Variants in INSYN2A observed in about 807,000 individuals in gnomAD.
The protein encoded by INSYN2A is inhibitory synaptic factor 2A.
INSYN2A carries 17 observed loss-of-function variants against 39.4 expected under a neutral mutation model. That is an observed-to-expected ratio of 0.43 (90% CI 0.30 to 0.65). The LOEUF is 0.65. Ranked by LOEUF, INSYN2A falls within the 30% of genes least tolerant of loss-of-function variation. The pLI is 0.14. For synonymous variants in INSYN2A, 255 were observed against 265.7 expected (o/e 0.96, Z 0.39); for missense variants, 595 against 631.2 (o/e 0.94, Z 0.61).
chr10:127,187,575 C>T (rs932651379), intron 2 of INSYN2A, among the ~76,000 whole-genome samples: 3 of 151,968 alleles, frequency 2.0e-5, no homozygotes, highest in Non-Finnish European at 2.9e-5. Context: ...TATCCTGCCA[C>T]GTAGAAGAAA....
chr10:127,157,935 G>T (rs976412738), intron 4 of INSYN2A, among the ~76,000 whole-genome samples: 2 of 152,192 alleles, frequency 1.3e-5, no homozygotes, highest in African/African-American at 4.8e-5. Context: ...GTCAATCAGG[G>T]TATGCCTGCT....
intron 2 of INSYN2A, among the ~76,000 whole-genome samples, chr10:127,186,508 C>G (rs1408758598): frequency 1.3e-4 from 2 of 14,972 alleles, no homozygotes; most frequent in African/African-American, 5.2e-4. Flanking sequence ...GGAGAAACCG[C>G]CCCCCCGCCC....
intron 2 of INSYN2A, among the ~76,000 whole-genome samples, chr10:127,184,355 C>G (rs1193780982): frequency 2.0e-5 from 3 of 149,872 alleles, no homozygotes; most frequent in African/African-American, 7.4e-5. Flanking sequence ...TCACCATGCC[C>G]TATTCGTTTT....
chr10:127,163,969 G>A (rs571307104), intron 4 of INSYN2A, among the ~76,000 whole-genome samples: 6 of 151,946 alleles, frequency 3.9e-5, no homozygotes, highest in African/African-American at 1.4e-4. Context: ...GGCTCTGGCT[G>A]TTAGGGAAGT....
intron 5 of INSYN2A, among the ~76,000 whole-genome samples, chr10:127,152,255 C>T (rs1176649099): frequency 6.6e-6 from 1 of 152,120 alleles, no homozygotes; most frequent in Non-Finnish European, 1.5e-5. Context: ...GTGTTACAGC[C>T]CTTTGTTGTT....
At chr10:127,168,291 G>T (rs886403243) in intron 4 of INSYN2A, among the ~76,000 whole-genome samples, 1 of 152,238 alleles carries the variant, frequency 6.6e-6, no homozygotes, top group Non-Finnish European at 1.5e-5. Flanking sequence ...AATGTGGAGA[G>T]AGACATCGAA....
At chr10:127,177,678 TG>T (rs2055303760) in intron 2 of INSYN2A, among the ~76,000 whole-genome samples, 1 of 152,206 alleles carries the variant, frequency 6.6e-6, no homozygotes, top group Non-Finnish European at 1.5e-5. Flanking sequence ...TGCCCTGTCC[TG>T]GGGGTGTCTG....
rs1172434226 is a variant in INSYN2A, at chr10:127,192,741, C to T, written c.-394-11G>A. ...TAGTGCCTTCAGGATCTGAAACAGA[C>T]ACATTATCACACATGGTCCAAAGGT... is the stretch of plus-strand genomic sequence containing the variant. On this transcript the variant is annotated splice_polypyrimidine_tract_variant and intron_variant, in intron 1 of 5. Transcript: ENST00000522781. The T allele has an allele frequency of 6.6e-6, 1 of 152,190 alleles. No homozygotes were observed. The highest frequency in any genetic ancestry group is 1.5e-5 in the Non-Finnish European group (1 of 68,036). The allele number at this position is 152,190 out of a possible 1,614,324, so 9.4% of individuals were successfully genotyped here.
At chr10:127,150,834 A>G (rs1298015032) in intron 5 of INSYN2A, among the ~76,000 whole-genome samples, 1 of 152,172 alleles carries the variant, frequency 6.6e-6, no homozygotes, top group Non-Finnish European at 1.5e-5. Flanking sequence ...CTGCCACAGG[A>G]CTTTGCTCCA....
At chr10:127,142,232 T>C (rs74158624) in intron 5 of INSYN2A, among the ~76,000 whole-genome samples, 14,964 of 152,256 alleles carry the variant, frequency 0.098, 2,120 homozygotes, top group African/African-American at 0.31. Context: ...GTGCAGGGGC[T>C]CATTCTACAG....
rs528947051 is a variant in INSYN2A, at chr10:127,164,159, CTTTTTTTTTTTTTTTTTTTTTTTT to C, written c.1185-10260_1185-10237del. On this transcript the variant is annotated intron_variant, in intron 4 of 5. Transcript: ENST00000522781. ...CTTTGTCTTCCCTGTCATTTGCCTC[CTTTTTTTTTTTTTTTTTTTTTTTT>C]TTTTTTTTTTTTTTTTTTGAGACAG... 1.4e-3 allele frequency among the ~76,000 whole-genome samples: 89 copies of C among 63,580 alleles called. 1 individual carries two copies. Among genetic ancestry groups the C allele is most frequent in the Admixed American group, 2.5e-3 (11 of 4,320 alleles). 41.7% of individuals were successfully genotyped at this position (63,580 alleles called of 152,430 possible).
intron 4 of INSYN2A, among the ~76,000 whole-genome samples, chr10:127,167,209 A>C (rs374648363): frequency 3.7e-4 from 57 of 152,360 alleles, no homozygotes; most frequent in South Asian, 1.4e-3. Context: ...GATAGAAAGA[A>C]TATGAAATGT....
In INSYN2A at chr10:127,137,550, G is replaced by A. The variant is rs1210306748; in HGVS notation, c.*287C>T. ...TGATAATGTATTACTTGCAGATCGG[G>A]GGTGGGGGAAAATTTTTACTTATCA... On this transcript the variant is annotated 3_prime_UTR_variant, in exon 6 of 6. Transcript: ENST00000522781. The A allele has an allele frequency of 3.2e-6, 1 of 316,384 alleles. No individual in the cohort carries two copies. The highest frequency in any genetic ancestry group is 4.5e-5 in the Admixed American group (1 of 22,016). 19.6% of individuals were successfully genotyped at this position (316,384 alleles called of 1,614,324 possible).
intron 4 of INSYN2A, among the ~76,000 whole-genome samples, chr10:127,174,603 G>A (rs1564868383): frequency 6.6e-6 from 1 of 152,176 alleles, no homozygotes; most frequent in Admixed American, 6.5e-5. Flanking sequence ...GTGGGGAAGG[G>A]CATCTGTCTC....
intron 4 of INSYN2A, among the ~76,000 whole-genome samples, chr10:127,160,243 G>A (rs1202469668): frequency 1.3e-5 from 2 of 152,164 alleles, no homozygotes; most frequent in Non-Finnish European, 2.9e-5. Context: ...TAATTTTACA[G>A]TACCTAATAG....
intron 4 of INSYN2A, among the ~76,000 whole-genome samples, chr10:127,171,864 C>T (rs534087407): frequency 3.3e-5 from 5 of 152,170 alleles, no homozygotes; most frequent in South Asian, 2.1e-4. Flanking sequence ...CCACCACGCC[C>T]GACTAATGTT....
chr10:127,186,212 G>A lies in INSYN2A; in HGVS notation c.-269+6393C>T, dbSNP rs1042176082. Among the ~76,000 whole-genome samples the A allele has an allele frequency of 3.3e-5, 5 of 152,298 alleles. No individual in the cohort carries two copies. In the Middle Eastern group the frequency reaches 0.01, roughly 311 times the overall value. ...CATTCTCACACTGCTATGAAGAAAT[G>A]CCTGAGACTGGGTTATTTATAAAGG... is the stretch of plus-strand genomic sequence containing the variant. On this transcript the variant is annotated intron_variant, in intron 2 of 5. Coordinates refer to ENST00000522781, the MANE Select transcript of INSYN2A (RefSeq NM_001039762.3).
rs2055160324 is a variant in INSYN2A, at chr10:127,176,397, G to T, written c.-2C>A. On this transcript the variant is annotated 5_prime_UTR_variant, in exon 4 of 6. Transcript: ENST00000522781. This position sits in a 1 kb window ranked among gnomAD's most constrained non-coding sequence, Gnocchi z 4.4. ...TTTGCCGGTGTCCTTACTGACCATG[G>T]TTCCTGCATTCAGAAACAGCAACAG... is the stretch of plus-strand genomic sequence containing the variant. 4 of 1,595,492 alleles carry T rather than the reference G, an allele frequency of 2.5e-6. No individual in the cohort carries two copies. The highest frequency in any genetic ancestry group is 1.7e-4 in the Middle Eastern group (1 of 5,976).
At chr10:127,185,951 A>G in intron 2 of INSYN2A, among the ~76,000 whole-genome samples, 1 of 152,244 alleles carries the variant, frequency 6.6e-6, no homozygotes, top group Non-Finnish European at 1.5e-5. Context: ...GTTTGTTCTT[A>G]TATTACTCAA....
Sources: gnomAD v4.1 joint callset for allele counts (sites outside exome capture counted in the v4.1 genomes callset) on GRCh38, gnomAD v4.1.1 for gene constraint, Gnocchi (gnomAD v3.1) non-coding constraint, MANE v1.5 for transcripts, NCBI Gene and HGNC (gene_info 2026-07-23, HGNC 2026-07-21) for gene names.